The following CDKL3 variants were observed in gnomAD, a reference collection of about 807,000 sequenced individuals.
The protein encoded by CDKL3 is cyclin-dependent kinase-like 3.
Under a neutral mutation model 69.3 loss-of-function variants are expected in CDKL3, and 65 were observed. The observed-to-expected ratio is 0.94, with a 90% CI of 0.77 to 1.15. The LOEUF is 1.15. Among genes scored for constraint, CDKL3 ranks in the 50% most tolerant of loss-of-function variants. The pLI, the probability that CDKL3 is intolerant of heterozygous loss-of-function variation, is 0.00. For synonymous variants in CDKL3, 202 were observed against 221.6 expected, an observed-to-expected ratio of 0.91 and a Z score of 0.79; for missense variants, 652 against 689.2, an observed-to-expected ratio of 0.95 and a Z score of 0.61.
At chr5:134,341,809 A>G (rs1450600453) in intron 4 of CDKL3, among the ~76,000 whole-genome samples, 1 of 152,232 alleles carries the variant, frequency 6.6e-6, no homozygotes, top group African/African-American at 2.4e-5. Flanking sequence ...AATTTGCATA[A>G]TAAGATTAGA....
At chr5:134,371,555 AC>A (rs754055440), upstream of CDKL3, 21 of 1,583,906 alleles carry the variant, frequency 1.3e-5, no homozygotes, top group Non-Finnish European at 1.6e-5. Context: ...GCTGCGCGGG[AC>A]TTTTTTTTTT....
chr5:134,343,343 A>C (rs940062701), intron 4 of CDKL3, among the ~76,000 whole-genome samples: 2 of 152,226 alleles, frequency 1.3e-5, no homozygotes, highest in Non-Finnish European at 1.5e-5. Flanking sequence ...AAGGAGATCT[A>C]ACTTAATTGA....
At chr5:134,307,950 G>T (rs1348179163) in intron 9 of CDKL3, 188 bp downstream of exon 9, 6 of 831,628 alleles carry the variant, frequency 7.2e-6, no homozygotes, top group Non-Finnish European at 1.0e-5. Flanking sequence ...CATCTATATG[G>T]CCAAGAAAAG....
intron 4 of CDKL3, among the ~76,000 whole-genome samples, chr5:134,335,966 C>G (rs183440496): frequency 6.6e-6 from 1 of 152,156 alleles, no homozygotes; most frequent in African/African-American, 2.4e-5. Flanking sequence ...ACCAATCAAA[C>G]GTAGATTTGG....
chr5:134,342,230 G>T (rs748357399), intron 4 of CDKL3, among the ~76,000 whole-genome samples: 1 of 152,254 alleles, frequency 6.6e-6, no homozygotes, highest in Non-Finnish European at 1.5e-5. Context: ...GCATCAAAAA[G>T]AATAAGATAC....
At chr5:134,343,430 C>CGTTTATA (rs1261779377) in intron 4 of CDKL3, among the ~76,000 whole-genome samples, 2 of 152,166 alleles carry the variant, frequency 1.3e-5, no homozygotes, top group Non-Finnish European at 2.9e-5. Flanking sequence ...GGAGAAACTT[C>CGTTTATA]GTTTATAGTT....
chr5:134,342,609 A>G (rs1183979696), intron 4 of CDKL3, among the ~76,000 whole-genome samples: 1 of 152,018 alleles, frequency 6.6e-6, no homozygotes, highest in Non-Finnish European at 1.5e-5. Context: ...CAAAAAAAAA[A>G]AAGAAAAAGA....
intron 4 of CDKL3, among the ~76,000 whole-genome samples, chr5:134,342,277 T>A (rs1044922901): frequency 4.6e-5 from 7 of 152,232 alleles, no homozygotes; most frequent in African/African-American, 1.7e-4. Flanking sequence ...GCAAAATGTA[T>A]GCTTTGAAAA....
At chr5:134,312,245 C>T (rs1021399382) in intron 7 of CDKL3, 47 bp downstream of exon 7, 15 of 1,138,346 alleles carry the variant, frequency 1.3e-5, no homozygotes, top group Admixed American at 2.4e-5. Flanking sequence ...TAAAATTTCC[C>T]AATACAAAAT....
At chr5:134,345,099 A>T (rs997593865) in intron 4 of CDKL3, among the ~76,000 whole-genome samples, 1 of 152,000 alleles carries the variant, frequency 6.6e-6, no homozygotes. Flanking sequence ...CTATAAAGAT[A>T]GAGAAGAGAG....
At chr5:134,348,612 T>C (rs1293640131) in intron 4 of CDKL3, among the ~76,000 whole-genome samples, 2 of 151,952 alleles carry the variant, frequency 1.3e-5, no homozygotes, top group Non-Finnish European at 2.9e-5. Flanking sequence ...AACTAGCCCA[T>C]GTTAAATATT....
chr5:134,294,806 T>C (rs1765275644), downstream of CDKL3, among the ~76,000 whole-genome samples: 1 of 152,070 alleles, frequency 6.6e-6, no homozygotes, highest in South Asian at 2.1e-4. Context: ...CTTCTGTATA[T>C]TAGCAACAAA....
intron 4 of CDKL3, among the ~76,000 whole-genome samples, chr5:134,323,661 C>T (rs759024003): frequency 6.6e-6 from 1 of 152,036 alleles, no homozygotes; most frequent in Non-Finnish European, 1.5e-5. Context: ...CTGGAACATA[C>T]AAAAAACTGA....
Position 134,359,942 on chromosome 5 carries a change from G to A in CDKL3, c.315C>T (p.Tyr105=), listed in dbSNP as rs1398347669. The stretch of plus-strand genomic sequence containing the variant: ...CAATTGCTCGAAGGATCTGGAAGAG[G>A]TATTTTCTAAGTCGCTTACTCTCTA... ...HGLESKRLRK[Y]LFQILRAIDY... The change falls in exon 3 of 13, where the codon TAC becomes TAT. Residue 105 remains tyrosine, a synonymous_variant. Coordinates refer to ENST00000265334, the MANE Select transcript of CDKL3 (RefSeq NM_001113575.2). The A allele has an allele frequency of 6.3e-7, 1 of 1,588,098 alleles. No individual in the cohort carries two copies. Among genetic ancestry groups the A allele is most frequent in the East Asian group, 2.3e-5 (1 of 44,360 alleles).
At chr5:134,330,964 T>G (rs971137277) in intron 4 of CDKL3, among the ~76,000 whole-genome samples, 2 of 152,172 alleles carry the variant, frequency 1.3e-5, no homozygotes, top group Admixed American at 1.3e-4. Context: ...TCTGTCACAG[T>G]TTTTCAAAGA....
In CDKL3 at chr5:134,350,327, C is replaced by T. The variant is rs1752948987; in HGVS notation, c.461G>A (p.Gly154Glu). The change falls in exon 4 of 13, where the codon GGG becomes GAG. Residue 154 changes from glycine to glutamate, a missense_variant. Coordinates refer to ENST00000265334, the MANE Select transcript of CDKL3 (RefSeq NM_001113575.2). ...FGFARTLAAP[G>E]DIYTDYVATR... The stretch of plus-strand genomic sequence containing the variant: ...GGCCACATAGTCCGTATAAATGTCC[C>T]CAGGAGCTGCTAGTGTTCGTGCAAA... The T allele has an allele frequency of 6.3e-7, 1 of 1,593,982 alleles. No individual in the cohort carries two copies. Among genetic ancestry groups the T allele is most frequent in the Admixed American group, 1.8e-5 (1 of 56,672 alleles).
At chr5:134,365,320 A>G (rs1410323548) in intron 2 of CDKL3, among the ~76,000 whole-genome samples, 1 of 147,552 alleles carries the variant, frequency 6.8e-6, no homozygotes, top group African/African-American at 2.5e-5. Flanking sequence ...GGGTTTCACT[A>G]TGTTGTCCAG....
intron 3 of CDKL3, among the ~76,000 whole-genome samples, chr5:134,357,624 T>A (rs1253138502): frequency 1.3e-5 from 2 of 151,882 alleles, no homozygotes; most frequent in East Asian, 3.9e-4. Context: ...AGAGAGAGAC[T>A]CTGTCTCAAA....
downstream of CDKL3, among the ~76,000 whole-genome samples, chr5:134,293,626 A>T (rs542943907): frequency 5.9e-4 from 88 of 150,270 alleles, no homozygotes; most frequent in Non-Finnish European, 1.1e-3. Context: ...CAAGACCCTG[A>T]CTCTACAAAA....
Sources: allele counts gnomAD v4.1 joint callset (sites outside exome capture counted in the v4.1 genomes callset), GRCh38; gene constraint gnomAD v4.1.1; transcripts MANE v1.5; gene names NCBI Gene and HGNC (gene_info 2026-07-23, HGNC 2026-07-21).